CTNNA3: variants seen among roughly 807,000 people sequenced by gnomAD.
CTNNA3 encodes the protein catenin alpha 3.
A neutral mutation model predicts 95.7 loss-of-function variants in CTNNA3; 76 were observed. That is an observed-to-expected ratio of 0.79 (90% CI 0.66 to 0.96). CTNNA3 has a LOEUF of 0.96. Ranked by LOEUF, CTNNA3 falls within the 40% of genes least tolerant of loss-of-function variation. The probability of loss-of-function intolerance (pLI) is 0.00; values close to 1 mark genes in which losing one functional copy is unlikely to be tolerated. For synonymous variants in CTNNA3, 431 were observed against 374.4 expected (o/e 1.15, Z -1.74); for missense variants, 1,191 against 1,089.8 (o/e 1.09, Z -1.31).
chr10:67,071,572 G>T (rs527819943), intron 7 of CTNNA3, among the ~76,000 whole-genome samples: 150 of 151,638 alleles, frequency 9.9e-4, no homozygotes, highest in African/African-American at 3.5e-3. Flanking sequence ...CAGTTTTACT[G>T]AAATGTCCCT....
At chr10:67,494,842 T>C (rs1209684574) in intron 5 of CTNNA3, among the ~76,000 whole-genome samples, 2 of 152,176 alleles carry the variant, frequency 1.3e-5, no homozygotes, top group African/African-American at 2.4e-5. Flanking sequence ...ACTTCAAAGA[T>C]GGATAAAGCA....
At chr10:66,102,379 C>A (rs1400803207) in intron 14 of CTNNA3, among the ~76,000 whole-genome samples, 1 of 152,130 alleles carries the variant, frequency 6.6e-6, no homozygotes, top group African/African-American at 2.4e-5. Flanking sequence ...CAGTAATCCT[C>A]ATATGAAGGA....
chr10:66,137,640 C>T (rs951164255), intron 13 of CTNNA3, among the ~76,000 whole-genome samples: 18 of 151,934 alleles, frequency 1.2e-4, no homozygotes, highest in African/African-American at 3.4e-4. Context: ...TTATGAGATA[C>T]GCGGAACAGC....
intron 1 of CTNNA3, among the ~76,000 whole-genome samples, chr10:67,725,946 G>A (rs1427879297): frequency 4.6e-5 from 5 of 108,308 alleles, no homozygotes; most frequent in Non-Finnish European, 8.9e-5. Flanking sequence ...ATTATTTTTA[G>A]TATATGTATA....
At chr10:67,584,635 C>T (rs370727457) in intron 3 of CTNNA3, among the ~76,000 whole-genome samples, 1 of 152,318 alleles carries the variant, frequency 6.6e-6, no homozygotes, top group African/African-American at 2.4e-5. Flanking sequence ...GTTTCTGCTG[C>T]CTTTTGTTCA....
intron 17 of CTNNA3, among the ~76,000 whole-genome samples, chr10:65,935,191 G>C (rs10996781): frequency 3.3e-5 from 5 of 152,064 alleles, no homozygotes; most frequent in African/African-American, 9.7e-5. Flanking sequence ...ATATTTCAAC[G>C]TATCTTCAAT....
chr10:66,744,400 T>C lies in CTNNA3; in HGVS notation c.1281+21864A>G, dbSNP rs190858224. ...TTTTGTTTTAGTGTTAGAAGCACCT[T>C]ATAGATCATCAACTTCCATATTTTT... On this transcript the variant is annotated intron_variant, in intron 9 of 17. Coordinates refer to ENST00000433211, the MANE Select transcript of CTNNA3 (RefSeq NM_013266.4). 2.5e-3 allele frequency among the ~76,000 whole-genome samples: 379 copies of C among 152,302 alleles called. 2 individuals are homozygous for C. The highest frequency in any genetic ancestry group is 8.4e-3 in the African/African-American group (348 of 41,568).
intron 7 of CTNNA3, among the ~76,000 whole-genome samples, chr10:66,788,739 A>G (rs1158707635): frequency 6.6e-6 from 1 of 152,204 alleles, no homozygotes; most frequent in Non-Finnish European, 1.5e-5. Flanking sequence ...AAAAGAACAG[A>G]GAAATACAAG....
At chr10:66,838,630 C>T (rs1462925910) in intron 7 of CTNNA3, among the ~76,000 whole-genome samples, 1 of 152,048 alleles carries the variant, frequency 6.6e-6, no homozygotes, top group African/African-American at 2.4e-5. Context: ...TACATTTGCC[C>T]ACCTGCCCCC....
At chr10:66,945,123 C>T (rs188799610) in intron 7 of CTNNA3, among the ~76,000 whole-genome samples, 7 of 152,272 alleles carry the variant, frequency 4.6e-5, no homozygotes, top group African/African-American at 1.7e-4. Context: ...TCCTTTGGAG[C>T]TTTGAGGCCA....
chr10:66,384,977 C>T (rs878883295), intron 11 of CTNNA3, among the ~76,000 whole-genome samples: 8 of 152,180 alleles, frequency 5.3e-5, no homozygotes, highest in Non-Finnish European at 1.0e-4. Flanking sequence ...TAAATGCCCA[C>T]AAGAGAAAGC....
At chr10:67,079,002 T>C (rs1856892654) in intron 7 of CTNNA3, among the ~76,000 whole-genome samples, 1 of 152,206 alleles carries the variant, frequency 6.6e-6, no homozygotes, top group Non-Finnish European at 1.5e-5. Flanking sequence ...TTTCTGAAGT[T>C]TGGATACAAT....
chr10:66,938,687 A>G (rs945430339), intron 7 of CTNNA3, among the ~76,000 whole-genome samples: 1 of 152,132 alleles, frequency 6.6e-6, no homozygotes, highest in Non-Finnish European at 1.5e-5. Context: ...AGGAAAATAC[A>G]GTTTTAAAGG....
chr10:67,612,035 G>A (rs1843477604), intron 2 of CTNNA3, among the ~76,000 whole-genome samples: 1 of 152,098 alleles, frequency 6.6e-6, no homozygotes, highest in South Asian at 2.1e-4. Flanking sequence ...TCAAGTCATT[G>A]ATAATTTCAA....
intron 5 of CTNNA3, among the ~76,000 whole-genome samples, chr10:67,249,329 TGTTG>T (rs1866018508): frequency 6.6e-6 from 1 of 152,118 alleles, no homozygotes; most frequent in Non-Finnish European, 1.5e-5. Context: ...TACCACAGGG[TGTTG>T]GTTCCAGGAC....
At chr10:67,011,724 T>C (rs1479782966) in intron 7 of CTNNA3, among the ~76,000 whole-genome samples, 1 of 152,220 alleles carries the variant, frequency 6.6e-6, no homozygotes, top group African/African-American at 2.4e-5. Flanking sequence ...AAGCACTTTA[T>C]ATGTATGAAC....
At chr10:67,060,305 C>T (rs889738245) in intron 7 of CTNNA3, among the ~76,000 whole-genome samples, 5 of 152,130 alleles carry the variant, frequency 3.3e-5, no homozygotes, top group African/African-American at 9.6e-5. Context: ...TGACAGAGAC[C>T]TTGTCTCAAA....
chr10:66,560,530 T>C (rs1285975955), intron 10 of CTNNA3, among the ~76,000 whole-genome samples: 1 of 152,130 alleles, frequency 6.6e-6, no homozygotes, highest in African/African-American at 2.4e-5. Flanking sequence ...ACACCATTGC[T>C]ATTGTTTTAT....
chr10:66,901,668 A>T (rs1845752201), intron 7 of CTNNA3, among the ~76,000 whole-genome samples: 1 of 152,228 alleles, frequency 6.6e-6, no homozygotes, highest in South Asian at 2.1e-4. Context: ...CTCAAAATAA[A>T]GGGATGGAGG....
Sources: gnomAD v4.1 joint callset for allele counts (sites outside exome capture counted in the v4.1 genomes callset) on GRCh38, gnomAD v4.1.1 for gene constraint, MANE v1.5 for transcripts, NCBI Gene and HGNC (gene_info 2026-07-23, HGNC 2026-07-21) for gene names.